WWOX: variants seen among roughly 807,000 people sequenced by gnomAD.
The protein encoded by WWOX is WW domain containing oxidoreductase.
WWOX carries 69 observed loss-of-function variants against 46.2 expected under a neutral mutation model. The ratio of observed to expected loss-of-function variants is 1.49; its 90% CI spans 1.23 to 1.82. The LOEUF is 1.82. Ranked by LOEUF, WWOX falls within the 40% of genes most tolerant of loss-of-function variation. The pLI, the probability that WWOX is intolerant of heterozygous loss-of-function variation, is 0.00. For missense variants in WWOX, 919 were observed against 542.6 expected (o/e 1.69, Z -6.89); for synonymous variants, 359 against 202.6 (o/e 1.77, Z -6.56).
chr16:78,452,498 A>T (rs2083716490), intron 8 of WWOX, among the ~76,000 whole-genome samples: 1 of 111,220 alleles, frequency 9.0e-6, no homozygotes, highest in South Asian at 2.7e-4. Flanking sequence ...TTTTTTTGAG[A>T]CGGAGTCTTA....
chr16:78,298,291 T>A (rs1348200268), intron 5 of WWOX, among the ~76,000 whole-genome samples: 1 of 152,062 alleles, frequency 6.6e-6, no homozygotes, highest in Non-Finnish European at 1.5e-5. Flanking sequence ...TTAGGCAGGA[T>A]CTCGAGCTAG....
At chr16:78,222,075 C>T (rs1431153039) in intron 5 of WWOX, among the ~76,000 whole-genome samples, 9 of 152,140 alleles carry the variant, frequency 5.9e-5, no homozygotes, top group Non-Finnish European at 1.2e-4. Context: ...CTCAGATGCC[C>T]CTCCATTTGC....
intron 6 of WWOX, among the ~76,000 whole-genome samples, chr16:78,387,319 G>A (rs1394510177): frequency 1.3e-5 from 2 of 152,174 alleles, no homozygotes; most frequent in Admixed American, 6.5e-5. Context: ...AGTAAACTCA[G>A]TTATCCAGTA....
intron 5 of WWOX, among the ~76,000 whole-genome samples, chr16:78,175,356 T>C (rs2035306413): frequency 1.3e-5 from 2 of 152,226 alleles, no homozygotes; most frequent in African/African-American, 2.4e-5. Context: ...CCACAAATTC[T>C]TTGATAATTC....
intron 8 of WWOX, among the ~76,000 whole-genome samples, chr16:79,118,148 C>T (rs1029390348): frequency 1.3e-5 from 2 of 152,198 alleles, no homozygotes; most frequent in East Asian, 1.9e-4. Context: ...GAGAGACATG[C>T]AACTCTGACT....
At chr16:78,265,337 G>C (rs1472392211) in intron 5 of WWOX, among the ~76,000 whole-genome samples, 1 of 152,112 alleles carries the variant, frequency 6.6e-6, no homozygotes, top group Non-Finnish European at 1.5e-5. Flanking sequence ...ATAGCAGCCT[G>C]GATGGACTAA....
intron 8 of WWOX, among the ~76,000 whole-genome samples, chr16:78,826,870 C>G (rs1597679798): frequency 6.6e-6 from 1 of 152,238 alleles, no homozygotes; most frequent in Admixed American, 6.5e-5. Context: ...TCCTCTGCCT[C>G]CATCTCCCTT....
chr16:78,902,562 A>G (rs2044856554), intron 8 of WWOX, among the ~76,000 whole-genome samples: 1 of 152,222 alleles, frequency 6.6e-6, no homozygotes. Context: ...GCCTAGGCCA[A>G]AGATATGCCC....
chr16:78,144,521 ATATT>A (rs1473807140), intron 4 of WWOX, among the ~76,000 whole-genome samples: 2,927 of 24,308 alleles, frequency 0.12, 402 homozygotes, highest in Non-Finnish European at 0.17. Flanking sequence ...ATATATATAT[ATATT>A]TTTTTTTTTT....
intron 8 of WWOX, among the ~76,000 whole-genome samples, chr16:78,445,906 G>A (rs2083549699): frequency 6.6e-6 from 1 of 150,594 alleles, no homozygotes; most frequent in Non-Finnish European, 1.5e-5. Context: ...GGGGAGGGGG[G>A]AAAGAAGAGA....
chr16:79,073,601 T>A (rs1046726626), intron 8 of WWOX, among the ~76,000 whole-genome samples: 2 of 152,246 alleles, frequency 1.3e-5, no homozygotes, highest in Non-Finnish European at 2.9e-5. Flanking sequence ...GCTGAGTGTC[T>A]TCAAATGTCT....
intron 8 of WWOX, among the ~76,000 whole-genome samples, chr16:78,827,472 C>T (rs143350645): frequency 4.6e-5 from 7 of 152,162 alleles, no homozygotes; most frequent in African/African-American, 1.4e-4. Flanking sequence ...TTCTCCTTAA[C>T]ACATTTCCAG....
intron 5 of WWOX, among the ~76,000 whole-genome samples, chr16:78,343,300 C>A (rs75495272): frequency 0.014 from 1,728 of 120,412 alleles, 397 homozygotes; most frequent in African/African-American, 0.046. Flanking sequence ...GCAAACTAAT[C>A]CATAACCCAC....
chr16:78,471,341 C>G (rs77000200), intron 8 of WWOX, among the ~76,000 whole-genome samples: 2 of 152,138 alleles, frequency 1.3e-5, no homozygotes, highest in African/African-American at 2.4e-5. Context: ...GGATGCTTTG[C>G]GAATGTAACA....
Position 79,027,154 on chromosome 16 carries a change from C to A in WWOX, c.1057-184454C>A, listed in dbSNP as rs1042037930. On this transcript the variant is annotated intron_variant, in intron 8 of 8. Transcript: ENST00000566780. ...AATTAGCTGGGCATGGTGGTACATG[C>A]CTGTAGTCCCAGCTACTCAGGAGGC... Among the ~76,000 whole-genome samples, 13 of 151,056 alleles carry A rather than the reference C, an allele frequency of 8.6e-5. 1 individual carries two copies. Among genetic ancestry groups the A allele is most frequent in the African/African-American group, 3.2e-4 (13 of 40,678 alleles).
rs2550715 is a variant in WWOX at position 79,021,303 on chromosome 16, A to G, written c.1057-190305A>G. Reference sequence around the variant, plus strand: ...TAGGGTAAGGCACGCAGGATGCAAGATTAGCGAGATATTGTCTCTACTCTC... The same window carrying G: ...TAGGGTAAGGCACGCAGGATGCAAGGTTAGCGAGATATTGTCTCTACTCTC... On this transcript the variant is annotated intron_variant, in intron 8 of 8. Coordinates refer to ENST00000566780, the MANE Select transcript of WWOX (RefSeq NM_016373.4). Among the ~76,000 whole-genome samples the G allele has an allele frequency of 4.6e-3, 697 of 152,252 alleles. 4 individuals are homozygous for G. The highest frequency in any genetic ancestry group is 0.016 in the African/African-American group (649 of 41,560).
chr16:78,337,354 C>A (rs8060138), intron 5 of WWOX, among the ~76,000 whole-genome samples: 1 of 152,114 alleles, frequency 6.6e-6, no homozygotes, highest in Non-Finnish European at 1.5e-5. Flanking sequence ...ACCCACCGAT[C>A]GCAATTGAGC....
At chr16:78,509,129 C>G (rs560374000) in intron 8 of WWOX, among the ~76,000 whole-genome samples, 4 of 152,262 alleles carry the variant, frequency 2.6e-5, no homozygotes, top group African/African-American at 9.6e-5. Flanking sequence ...AGGACAATGA[C>G]AAAGTTATTC....
chr16:78,782,722 G>C (rs1597601398), intron 8 of WWOX, among the ~76,000 whole-genome samples: 1 of 122,272 alleles, frequency 8.2e-6, no homozygotes, highest in Non-Finnish European at 1.6e-5. Flanking sequence ...TATGCAATTT[G>C]AGGTATTTCA....
Sources: gnomAD v4.1 joint callset for allele counts (sites outside exome capture counted in the v4.1 genomes callset) on GRCh38, gnomAD v4.1.1 for gene constraint, MANE v1.5 for transcripts, NCBI Gene and HGNC (gene_info 2026-07-23, HGNC 2026-07-21) for gene names.